The following DLGAP1 variants were observed in gnomAD, a reference collection of about 807,000 sequenced individuals.
DLGAP1 encodes disks large-associated protein 1.
DLGAP1 carries 11 observed loss-of-function variants against 90.8 expected under a neutral mutation model. The ratio of observed to expected loss-of-function variants is 0.12; its 90% CI spans 0.08 to 0.20. The LOEUF (loss-of-function observed/expected upper bound fraction) is 0.20. Among genes scored for constraint, DLGAP1 ranks in the 10% least tolerant of loss-of-function variants. DLGAP1 has a pLI of 1.00. For synonymous variants in DLGAP1, 558 were observed against 540.7 expected (o/e 1.03, Z -0.44); for missense variants, 1,050 against 1,333.8 (o/e 0.79, Z 3.31).
intron 1 of DLGAP1, among the ~76,000 whole-genome samples, chr18:4,179,545 T>A (rs1035619198): frequency 6.6e-6 from 1 of 152,336 alleles, no homozygotes; most frequent in African/African-American, 2.4e-5. Flanking sequence ...TAAGACATAC[T>A]ATCATCATTC....
At chr18:3,960,771 C>CT (rs543703617) in intron 3 of DLGAP1, among the ~76,000 whole-genome samples, 2 of 152,332 alleles carry the variant, frequency 1.3e-5, no homozygotes, top group South Asian at 4.1e-4. Flanking sequence ...GCCTTGCTCC[C>CT]TGCAGGTGCC....
intron 7 of DLGAP1, among the ~76,000 whole-genome samples, chr18:3,661,038 A>C (rs2059663677): frequency 6.6e-6 from 1 of 152,182 alleles, no homozygotes; most frequent in Non-Finnish European, 1.5e-5. Flanking sequence ...TTTTCAAAAG[A>C]TCATGTGACA....
chr18:3,719,776 T>A (rs1021860957), intron 7 of DLGAP1, among the ~76,000 whole-genome samples: 7 of 152,078 alleles, frequency 4.6e-5, no homozygotes, highest in South Asian at 2.1e-4. Flanking sequence ...TTCTTGAAAA[T>A]GATAAAAGCA....
At chr18:4,316,030 A>G (rs886632258) in intron 1 of DLGAP1, among the ~76,000 whole-genome samples, 1 of 152,224 alleles carries the variant, frequency 6.6e-6, no homozygotes, top group Non-Finnish European at 1.5e-5. Context: ...ATAAACACAA[A>G]CAGAACTAAG....
At chr18:3,593,145 C>T (rs1304794407) in intron 7 of DLGAP1, among the ~76,000 whole-genome samples, 1 of 152,076 alleles carries the variant, frequency 6.6e-6, no homozygotes, top group Non-Finnish European at 1.5e-5. Context: ...AGTAAACACT[C>T]TCTAGTAAAC....
intron 7 of DLGAP1, among the ~76,000 whole-genome samples, chr18:3,714,805 T>C (rs915265319): frequency 6.6e-6 from 1 of 152,078 alleles, no homozygotes; most frequent in African/African-American, 2.4e-5. Flanking sequence ...TGGCTAATTT[T>C]TGTATTTTTT....
chr18:4,139,462 G>A (rs1057268978), intron 2 of DLGAP1, among the ~76,000 whole-genome samples: 2 of 151,760 alleles, frequency 1.3e-5, no homozygotes, highest in African/African-American at 2.4e-5. Context: ...CTAGTTTTAC[G>A]CAACTGTGGT....
intron 2 of DLGAP1, among the ~76,000 whole-genome samples, chr18:4,020,498 C>T (rs780595885): frequency 3.3e-5 from 5 of 152,188 alleles, no homozygotes; most frequent in Non-Finnish European, 7.3e-5. Flanking sequence ...TATATGTCCC[C>T]ACTAAATCTC....
intron 1 of DLGAP1, among the ~76,000 whole-genome samples, chr18:4,218,371 A>G (rs2144946328): frequency 6.6e-6 from 1 of 152,164 alleles, no homozygotes; most frequent in Middle Eastern, 3.4e-3. Context: ...TAGGGGTGAT[A>G]TATTGTGATA....
intron 3 of DLGAP1, among the ~76,000 whole-genome samples, chr18:3,991,471 T>C (rs1599282692): frequency 6.6e-6 from 1 of 152,284 alleles, no homozygotes; most frequent in African/African-American, 2.4e-5. Context: ...GTGGCAGTGG[T>C]GGGAACCTTG....
Position 3,526,586 on chromosome 18 carries a change from T to C in DLGAP1, c.2479+7608A>G, listed in dbSNP as rs1056817441. Among the ~76,000 whole-genome samples, 1 of 152,244 alleles carries C rather than the reference T, an allele frequency of 6.6e-6. No individual in the cohort carries two copies. The highest frequency in any genetic ancestry group is 1.5e-5 in the Non-Finnish European group (1 of 68,040). On this transcript the variant is annotated intron_variant, in intron 10 of 12. Coordinates refer to ENST00000315677, the MANE Select transcript of DLGAP1 (RefSeq NM_004746.4). This position sits in a 1 kb window ranked among gnomAD's most constrained non-coding sequence, Gnocchi z 4.7. ...TCTAGGTTTATCAGTTTGTTTCAGATAAAGCCTGAAAATTCCACGTATTTG... is the reference window on the plus strand; with the variant it reads ...TCTAGGTTTATCAGTTTGTTTCAGACAAAGCCTGAAAATTCCACGTATTTG...
intron 3 of DLGAP1, among the ~76,000 whole-genome samples, chr18:3,894,039 T>C (rs992119578): frequency 6.6e-6 from 1 of 152,194 alleles, no homozygotes; most frequent in South Asian, 2.1e-4. Flanking sequence ...TATCTGTTCA[T>C]GTCCTTTGCT....
chr18:4,146,040 T>C (rs1011303408), intron 2 of DLGAP1, among the ~76,000 whole-genome samples: 2 of 152,216 alleles, frequency 1.3e-5, no homozygotes, highest in Non-Finnish European at 2.9e-5. Flanking sequence ...TATGGATACA[T>C]TTTCTAAAGT....
At chr18:3,865,097 T>A (rs1176506805) in intron 4 of DLGAP1, among the ~76,000 whole-genome samples, 3 of 152,130 alleles carry the variant, frequency 2.0e-5, no homozygotes, top group Admixed American at 6.5e-5. Flanking sequence ...CACTGACTTA[T>A]CTCTGTAAGT....
intron 1 of DLGAP1, among the ~76,000 whole-genome samples, chr18:4,292,314 G>C (rs1241094083): frequency 3.3e-5 from 5 of 151,892 alleles, no homozygotes; most frequent in Non-Finnish European, 5.9e-5. Context: ...TTGGAAAACA[G>C]AGATAAAAAC....
chr18:4,237,067 T>G lies in DLGAP1; in HGVS notation c.-266-85780A>C, dbSNP rs530468672. 2.3e-3 allele frequency among the ~76,000 whole-genome samples: 353 copies of G among 152,336 alleles called. 1 individual carries two copies. Among genetic ancestry groups the G allele is most frequent in the African/African-American group, 7.3e-3 (305 of 41,584 alleles). ...GTGCTTTCTCCACTCTTCTCAGAGT[T>G]CACTGTCTGAAGCTATCGAGTAGCT... On this transcript the variant is annotated intron_variant, in intron 1 of 12. Coordinates refer to ENST00000315677, the MANE Select transcript of DLGAP1 (RefSeq NM_004746.4).
intron 2 of DLGAP1, among the ~76,000 whole-genome samples, chr18:4,032,690 A>C (rs1437565900): frequency 6.7e-6 from 1 of 149,768 alleles, no homozygotes; most frequent in Non-Finnish European, 1.5e-5. Context: ...TGGAAGCCAA[A>C]GTTTTAAGGT....
At chr18:4,172,877 C>A (rs1295349752) in intron 1 of DLGAP1, among the ~76,000 whole-genome samples, 1 of 152,236 alleles carries the variant, frequency 6.6e-6, no homozygotes, top group Non-Finnish European at 1.5e-5. Flanking sequence ...TGCTCTAGTG[C>A]AGGCTGAAAG....
chr18:4,043,721 T>C (rs1206233780), intron 2 of DLGAP1, among the ~76,000 whole-genome samples: 1 of 152,216 alleles, frequency 6.6e-6, no homozygotes, highest in African/African-American at 2.4e-5. Context: ...AGAAGTGATC[T>C]GTGTTTCCCT....
Sources: allele counts gnomAD v4.1 joint callset (sites outside exome capture counted in the v4.1 genomes callset), GRCh38; gene constraint gnomAD v4.1.1; non-coding constraint Gnocchi (gnomAD v3.1); transcripts MANE v1.5; gene names NCBI Gene and HGNC (gene_info 2026-07-23, HGNC 2026-07-21).